The following FHAD1 variants were observed in gnomAD, a reference collection of about 807,000 sequenced individuals.
FHAD1 encodes forkhead associated phosphopeptide binding domain 1.
FHAD1 carries 146 observed loss-of-function variants against 191.3 expected under a neutral mutation model. The ratio of observed to expected loss-of-function variants is 0.76; its 90% confidence interval spans 0.67 to 0.88. FHAD1 has a LOEUF of 0.88. Ranked by LOEUF, FHAD1 falls within the 40% of genes least tolerant of loss-of-function variation. The pLI is 0.00. For missense variants in FHAD1, 1,635 were observed against 1,785.8 expected (o/e 0.92, Z 1.52); for synonymous variants, 616 against 672.3 (o/e 0.92, Z 1.29).
intron 31 of FHAD1, among the ~76,000 whole-genome samples, chr1:15,385,734 C>T (rs753714572): frequency 3.3e-5 from 5 of 152,078 alleles, no homozygotes; most frequent in Non-Finnish European, 5.9e-5. Flanking sequence ...ATGATCGCAC[C>T]ACTGCCCTCC....
intron 2 of FHAD1, among the ~76,000 whole-genome samples, chr1:15,254,260 T>G (rs186728455): frequency 1.4e-4 from 22 of 152,350 alleles, no homozygotes; most frequent in African/African-American, 5.0e-4. Context: ...TAGTAATTTT[T>G]AAAAGCACAG....
intron 9 of FHAD1, among the ~76,000 whole-genome samples, chr1:15,317,269 C>T (rs945869072): frequency 2.0e-5 from 3 of 152,144 alleles, no homozygotes; most frequent in African/African-American, 7.2e-5. Context: ...CATTAAAAGT[C>T]AAAGGAGGTG....
At chr1:15,356,074 G>A (rs920157072) in intron 20 of FHAD1, among the ~76,000 whole-genome samples, 2 of 152,062 alleles carry the variant, frequency 1.3e-5, no homozygotes, top group South Asian at 2.1e-4. Flanking sequence ...CATCGATATC[G>A]ATAACTACCG....
intron 26 of FHAD1, among the ~76,000 whole-genome samples, chr1:15,370,268 C>T (rs549139756): frequency 1.3e-5 from 2 of 152,306 alleles, no homozygotes; most frequent in African/African-American, 2.4e-5. Context: ...TGAGCCACCA[C>T]GCCTGGCCCA....
chr1:15,295,648 T>C (rs766104775), intron 4 of FHAD1, among the ~76,000 whole-genome samples: 31 of 152,092 alleles, frequency 2.0e-4, no homozygotes, highest in Non-Finnish European at 3.7e-4. Context: ...TATATATATA[T>C]ACACACATAC....
intron 23 of FHAD1, chr1:15,363,762 C>T (rs1427274008): frequency 1.3e-5 from 6 of 456,252 alleles, no homozygotes; most frequent in Non-Finnish European, 2.2e-5. Flanking sequence ...AGAAGTCTAT[C>T]CTCAAAGAAC....
At chr1:15,310,291 C>G (rs1269606715) in intron 7 of FHAD1, among the ~76,000 whole-genome samples, 33 of 152,322 alleles carry the variant, frequency 2.2e-4, no homozygotes, top group Admixed American at 9.8e-4. Flanking sequence ...CGTGGCTTTC[C>G]CTCTGCCTCA....
In FHAD1 at chr1:15,311,893, C is replaced by T. The variant is rs1029047452; in HGVS notation, c.1040-1164C>T. On this transcript the variant is annotated intron_variant, in intron 7 of 33. Transcript: ENST00000688493. This position sits in a 1 kb window ranked among gnomAD's most constrained non-coding sequence, Gnocchi z 4.1. ...ACTTAGTCTGGCTCAGGGTCTCTCACGAGGTTGCAGGAGCTACTGCTGTCA... is the reference window on the plus strand; with the variant it reads ...ACTTAGTCTGGCTCAGGGTCTCTCATGAGGTTGCAGGAGCTACTGCTGTCA... 3.3e-5 allele frequency among the ~76,000 whole-genome samples: 5 copies of T among 152,186 alleles called. No individual in the cohort carries two copies. Among genetic ancestry groups the T allele is most frequent in the African/African-American group, 7.2e-5 (3 of 41,458 alleles).
intron 3 of FHAD1, among the ~76,000 whole-genome samples, chr1:15,273,115 G>T (rs1656821820): frequency 6.6e-6 from 1 of 152,170 alleles, no homozygotes; most frequent in African/African-American, 2.4e-5. Flanking sequence ...GGTTCCCGGG[G>T]CCCCTCCATG....
At chr1:15,253,528 A>G (rs1647045578) in intron 2 of FHAD1, among the ~76,000 whole-genome samples, 1 of 152,036 alleles carries the variant, frequency 6.6e-6, no homozygotes, top group Non-Finnish European at 1.5e-5. Flanking sequence ...AATCCTGTGC[A>G]TGTTTTGCTG....
intron 10 of FHAD1, among the ~76,000 whole-genome samples, chr1:15,323,252 C>T (rs1233497512): frequency 6.6e-6 from 1 of 152,150 alleles, no homozygotes; most frequent in African/African-American, 2.4e-5. Context: ...TGCTGTGTGG[C>T]AGTGATATGA....
intron 25 of FHAD1, among the ~76,000 whole-genome samples, chr1:15,368,706 GAGGC>G (rs910229939): frequency 2.6e-5 from 4 of 152,204 alleles, no homozygotes; most frequent in African/African-American, 9.6e-5. Context: ...TTGGGAGGCT[GAGGC>G]AGGTGAATCA....
chr1:15,350,385 G>A (rs1027500277), intron 19 of FHAD1, among the ~76,000 whole-genome samples: 3 of 152,272 alleles, frequency 2.0e-5, no homozygotes, highest in Admixed American at 1.3e-4. Flanking sequence ...GAACTGGAAG[G>A]GAAAAGGAGC....
intron 1 of FHAD1, among the ~76,000 whole-genome samples, chr1:15,237,917 C>G (rs1451640645): frequency 6.6e-6 from 1 of 152,014 alleles, no homozygotes; most frequent in African/African-American, 2.4e-5. Context: ...CAGCAGCGAG[C>G]GATGGGGATG....
intron 33 of FHAD1, among the ~76,000 whole-genome samples, chr1:15,392,260 T>A (rs116700137): frequency 6.6e-6 from 1 of 152,038 alleles, no homozygotes; most frequent in South Asian, 2.1e-4. Flanking sequence ...AGGCCAGGCG[T>A]GGTGGCTCAC....
intron 20 of FHAD1, among the ~76,000 whole-genome samples, chr1:15,355,637 G>T (rs1692470292): frequency 6.6e-6 from 1 of 152,160 alleles, no homozygotes. Flanking sequence ...CCCCTGGGGT[G>T]CATCGCTGAG....
intron 31 of FHAD1, chr1:15,383,015 C>T (rs1238857032): frequency 6.6e-6 from 3 of 454,456 alleles, no homozygotes; most frequent in Non-Finnish European, 1.4e-5. Flanking sequence ...CACACACACA[C>T]GCGCACGCGC....
intron 5 of FHAD1, among the ~76,000 whole-genome samples, chr1:15,298,602 G>T (rs1000526096): frequency 6.6e-6 from 1 of 152,164 alleles, no homozygotes; most frequent in African/African-American, 2.4e-5. Flanking sequence ...AGCCTCTTAA[G>T]AACTTGCTTG....
chr1:15,242,017 G>A lies in FHAD1; in HGVS notation c.-15+5256G>A, dbSNP rs184505969. ...TGGGAAGCTGAGGCGGGTGGATCAC[G>A]AGGTCAGGAGATCGAGACCAGCCTG... On this transcript the variant is annotated intron_variant, in intron 1 of 33. Coordinates refer to the FHAD1 transcript ENST00000683790. 7.1e-3 allele frequency among the ~76,000 whole-genome samples: 1,085 copies of A among 152,216 alleles called. 11 individuals are homozygous for A. The highest frequency in any genetic ancestry group is 0.022 in the African/African-American group (922 of 41,530).
Sources: allele counts gnomAD v4.1 joint callset (sites outside exome capture counted in the v4.1 genomes callset), GRCh38; gene constraint gnomAD v4.1.1; non-coding constraint Gnocchi (gnomAD v3.1); transcripts MANE v1.5; gene names NCBI Gene and HGNC (gene_info 2026-07-23, HGNC 2026-07-21).